Variants in ARSJ observed in about 807,000 individuals in gnomAD.
ARSJ encodes the protein arylsulfatase family member J.
ARSJ carries 26 observed loss-of-function variants against 35.9 expected under a neutral mutation model. That is an observed-to-expected ratio of 0.72 (90% CI 0.53 to 1.00). ARSJ has a LOEUF of 1.00. ARSJ is among the 50% of genes least tolerant of loss of function. The probability of loss-of-function intolerance (pLI) is 0.00; values close to 1 mark genes in which losing one functional copy is unlikely to be tolerated. For missense variants in ARSJ, 667 were observed against 723.6 expected (o/e 0.92, Z 0.90); for synonymous variants, 294 against 267.6 (o/e 1.10, Z -0.96).
chr4:113,945,987 A>G (rs1725453642), intron 1 of ARSJ, among the ~76,000 whole-genome samples: 1 of 144,286 alleles, frequency 6.9e-6, no homozygotes, highest in Non-Finnish European at 1.5e-5. Context: ...CTCATAAAAT[A>G]CTTTTCTTCT....
intron 1 of ARSJ, among the ~76,000 whole-genome samples, chr4:113,928,284 G>T (rs989667750): frequency 6.6e-6 from 1 of 152,126 alleles, no homozygotes; most frequent in African/African-American, 2.4e-5. Flanking sequence ...AAGGATGGGA[G>T]AAAGATTCAT....
intron 1 of ARSJ, among the ~76,000 whole-genome samples, chr4:113,911,269 G>A (rs1314512835): frequency 1.3e-5 from 2 of 152,188 alleles, no homozygotes; most frequent in Non-Finnish European, 2.9e-5. Context: ...AGGTAAGTAG[G>A]TGCTCAATGA....
chr4:113,974,951 T>C (rs183572010), intron 1 of ARSJ, among the ~76,000 whole-genome samples: 18 of 152,268 alleles, frequency 1.2e-4, no homozygotes, highest in Admixed American at 1.1e-3. Flanking sequence ...GGTAAATAAA[T>C]TGTAATATGC....
intron 1 of ARSJ, among the ~76,000 whole-genome samples, chr4:113,915,120 A>G (rs1451176116): frequency 6.6e-6 from 1 of 152,154 alleles, no homozygotes; most frequent in Non-Finnish European, 1.5e-5. Context: ...GTATCATTAA[A>G]ACAGTATATA....
At chr4:113,967,769 A>G (rs923888567) in intron 1 of ARSJ, among the ~76,000 whole-genome samples, 9 of 152,214 alleles carry the variant, frequency 5.9e-5, no homozygotes, top group Non-Finnish European at 1.2e-4. Context: ...GAGCAATGGT[A>G]ATATGATGTT....
chr4:113,924,190 G>A (rs562735847), intron 1 of ARSJ, among the ~76,000 whole-genome samples: 1 of 150,380 alleles, frequency 6.6e-6, no homozygotes, highest in East Asian at 2.0e-4. Context: ...GCGAGCTGAA[G>A]AGCAAGGACA....
rs1399964303 is a variant in ARSJ, at chr4:113,979,293, T to TC, written c.-460dup. 2 of 158,998 alleles carry TC rather than the reference T, an allele frequency of 1.3e-5. No homozygotes were observed. Among genetic ancestry groups the TC allele is most frequent in the Admixed American group, 1.2e-4 (2 of 16,700 alleles). The allele number at this position is 158,998 out of a possible 1,614,324, so 9.8% of individuals were successfully genotyped here. On this transcript the variant is annotated 5_prime_UTR_variant, in exon 1 of 2. Coordinates refer to ENST00000315366, the MANE Select transcript of ARSJ (RefSeq NM_024590.4). ...GCGGGATCGGCCGTCTGTCCTGCGG[T>TC]CCCCACACCTGGAAAGAACTGCGAA...
chr4:113,958,503 A>G (rs1726333760), intron 1 of ARSJ, among the ~76,000 whole-genome samples: 4 of 152,116 alleles, frequency 2.6e-5, no homozygotes, highest in African/African-American at 4.8e-5. Flanking sequence ...TCTCCAAACT[A>G]GACACCTATG....
In ARSJ at chr4:113,902,120, G is replaced by T; in HGVS notation, c.*154C>A. ...TGAGCAGGACAGTTTTCAGTGTGGC[G>T]GCCAGGTGGCAGAAGTCTCTGGAGT... On this transcript the variant is annotated 3_prime_UTR_variant, in exon 2 of 2. Coordinates refer to ENST00000315366, the MANE Select transcript of ARSJ (RefSeq NM_024590.4). 1 of 1,592,992 alleles carries T rather than the reference G, an allele frequency of 6.3e-7. No homozygotes were observed. Among genetic ancestry groups the T allele is most frequent in the Non-Finnish European group, 8.5e-7 (1 of 1,177,028 alleles).
intron 1 of ARSJ, among the ~76,000 whole-genome samples, chr4:113,968,419 T>C (rs2149284806): frequency 6.6e-6 from 1 of 152,254 alleles, no homozygotes; most frequent in East Asian, 1.9e-4. Flanking sequence ...GAAAAGACGG[T>C]AGGAACAGAG....
At chr4:113,930,120 C>A (rs962676304) in intron 1 of ARSJ, among the ~76,000 whole-genome samples, 1 of 152,008 alleles carries the variant, frequency 6.6e-6, no homozygotes, top group African/African-American at 2.4e-5. Flanking sequence ...ATCCCTGGTA[C>A]CCAAATCTGT....
rs187244130 is a variant in ARSJ, at chr4:113,918,775, G to C, written c.399-15100C>G. Among the ~76,000 whole-genome samples the C allele has an allele frequency of 1.6e-4, 25 of 152,180 alleles. 1 individual carries two copies. In the East Asian group the frequency reaches 4.8e-3, roughly 29 times the overall value. On this transcript the variant is annotated intron_variant, in intron 1 of 1. Transcript: ENST00000315366. ...CAATACTGAATCCATTGCTAATGCT[G>C]TAGTAAGATGAAAAAATTATTATTA... is the stretch of plus-strand genomic sequence containing the variant.
At chr4:113,913,804 G>T (rs111762510) in intron 1 of ARSJ, among the ~76,000 whole-genome samples, 82 of 152,094 alleles carry the variant, frequency 5.4e-4, no homozygotes, top group Non-Finnish European at 1.1e-3. Flanking sequence ...AATGCACTTA[G>T]ATATGTAGAC....
intron 1 of ARSJ, among the ~76,000 whole-genome samples, chr4:113,911,163 C>T (rs756825913): frequency 6.6e-6 from 1 of 151,950 alleles, no homozygotes; most frequent in Non-Finnish European, 1.5e-5. Context: ...TGTTTGAATG[C>T]AAAAAGTGAG....
intron 1 of ARSJ, among the ~76,000 whole-genome samples, chr4:113,968,757 G>A (rs1727050860): frequency 6.6e-6 from 1 of 152,198 alleles, no homozygotes; most frequent in Non-Finnish European, 1.5e-5. Context: ...TAGTCTCCAA[G>A]TAGTGGAAAC....
Position 113,902,575 on chromosome 4 carries a change from G to A in ARSJ, c.1499C>T (p.Ala500Val), listed in dbSNP as rs1482378450. 1 of 1,614,016 alleles carries A rather than the reference G, an allele frequency of 6.2e-7. No homozygotes were observed. The highest frequency in any genetic ancestry group is 1.7e-5 in the Admixed American group (1 of 60,000). The change falls in exon 2 of 2, where the codon GCC becomes GTC. Residue 500 changes from alanine (A) to valine (V), a missense_variant. Ala to Val is a moderately conservative substitution (Grantham distance 64). Coordinates refer to ENST00000315366, the MANE Select transcript of ARSJ (RefSeq NM_024590.4). ...TAGGTCCACCCTCTCATATGGGTCGGCTGTGATGTTGAAAAGCCATACACT... is the reference window on the plus strand; with the variant it reads ...TAGGTCCACCCTCTCATATGGGTCGACTGTGATGTTGAAAAGCCATACACT... ...GKSVWLFNIT[A>V]DPYERVDLSN... is the part of the protein sequence containing the mutation.
At position 113,975,099 on chromosome 4, in the gene ARSJ, C is replaced by T. The variant is rs115444935; in HGVS notation, c.398+3338G>A. Among the ~76,000 whole-genome samples the T allele has an allele frequency of 1.0e-2, 1,515 of 152,070 alleles. 27 individuals carry two copies. Among genetic ancestry groups the T allele is most frequent in the African/African-American group, 0.035 (1,449 of 41,482 alleles). ...AATTCCATTTGTATAAAGTTCAAAACCAGGCAAAATTAATTTAAGGTATGA... is the reference window on the plus strand; with the variant it reads ...AATTCCATTTGTATAAAGTTCAAAATCAGGCAAAATTAATTTAAGGTATGA... On this transcript the variant is annotated intron_variant, in intron 1 of 1. Coordinates refer to ENST00000315366, the MANE Select transcript of ARSJ (RefSeq NM_024590.4).
chr4:113,938,764 G>T (rs184822250), intron 1 of ARSJ, among the ~76,000 whole-genome samples: 1 of 151,884 alleles, frequency 6.6e-6, no homozygotes, highest in African/African-American at 2.4e-5. Flanking sequence ...CAAAGTAGGT[G>T]AACAAACATT....
At chr4:113,935,975 G>C (rs1222351490) in intron 1 of ARSJ, among the ~76,000 whole-genome samples, 1 of 151,952 alleles carries the variant, frequency 6.6e-6, no homozygotes, top group Non-Finnish European at 1.5e-5. Flanking sequence ...CAGAAGTGAA[G>C]GTTGAATGTT....
Sources: gnomAD v4.1 joint callset for allele counts (sites outside exome capture counted in the v4.1 genomes callset) on GRCh38, gnomAD v4.1.1 for gene constraint, MANE v1.5 for transcripts, NCBI Gene and HGNC (gene_info 2026-07-23, HGNC 2026-07-21) for gene names.